Variants in NT5DC3 observed in about 807,000 individuals in gnomAD.
NT5DC3 encodes 5'-nucleotidase domain containing 3, also known as 5'-nucleotidase domain-containing protein 3.
A neutral mutation model predicts 67.8 loss-of-function variants in NT5DC3; 42 were observed. The observed-to-expected ratio is 0.62, with a 90% confidence interval of 0.48 to 0.80. The LOEUF is 0.80. Among genes scored for constraint, NT5DC3 ranks in the 30% least tolerant of loss-of-function variants. The pLI is 0.00. For synonymous variants in NT5DC3, 237 were observed against 255.6 expected, an observed-to-expected ratio of 0.93 and a Z score of 0.69; for missense variants, 570 against 696.4, an observed-to-expected ratio of 0.82 and a Z score of 2.04.
chr12:103,778,252 C>T (rs566231438), intron 13 of NT5DC3, among the ~76,000 whole-genome samples, 171 bp from the exon 14 acceptor site: 14 of 152,158 alleles, frequency 9.2e-5, no homozygotes, highest in African/African-American at 2.7e-4. Context: ...AGCCTAGAGC[C>T]AGGTGTGGTG....
the NT5DC3 span, chr12:103,757,953 G>A: frequency 1.6e-6 from 1 of 615,716 alleles, no homozygotes; most frequent in African/African-American, 1.8e-5. Context: ...GATGGGCTGT[G>A]ACGTGGCTGT....
chr12:103,788,781 G>T, intron 10 of NT5DC3, 57 bp downstream of exon 10: 1 of 1,088,970 alleles, frequency 9.2e-7, no homozygotes, highest in Non-Finnish European at 1.4e-6. Flanking sequence ...TCAGCTATTA[G>T]CATTATTACC....
At chr12:103,821,663 T>C (rs192368812) in intron 1 of NT5DC3, among the ~76,000 whole-genome samples, 22 of 152,226 alleles carry the variant, frequency 1.4e-4, no homozygotes, top group African/African-American at 5.3e-4. Flanking sequence ...CTGGAAAAGA[T>C]GTCAACGGGA....
chr12:103,835,956 G>A lies in NT5DC3; in HGVS notation c.208+4993C>T, dbSNP rs576137439. Among the ~76,000 whole-genome samples the A allele has an allele frequency of 9.6e-4, 146 of 152,224 alleles. 1 individual carries two copies. The highest frequency in any genetic ancestry group is 3.3e-3 in the African/African-American group (137 of 41,528). On this transcript the variant is annotated intron_variant, in intron 1 of 13. Transcript: ENST00000392876. ...AGGTGAAAGACACTTCTCACATGGC[G>A]GCAGCAACAGAAAAATGAAGCAGCA...
chr12:103,749,089 T>G, the NT5DC3 span: 3 of 1,614,060 alleles, frequency 1.9e-6, no homozygotes, highest in Non-Finnish European at 2.5e-6. Context: ...TGCACAGAGA[T>G]AGACCCCTGT....
intron 11 of NT5DC3, among the ~76,000 whole-genome samples, chr12:103,787,146 ATTTC>A (rs1461694415): frequency 6.6e-6 from 1 of 151,880 alleles, no homozygotes; most frequent in Non-Finnish European, 1.5e-5. Context: ...AATGGCATTT[ATTTC>A]TTATTATTTA....
At chr12:103,826,491 T>G (rs916869743) in intron 1 of NT5DC3, among the ~76,000 whole-genome samples, 9 of 152,220 alleles carry the variant, frequency 5.9e-5, no homozygotes, top group African/African-American at 2.2e-4. Context: ...ATTGCTGGCT[T>G]TGAAAATGCA....
rs1469279509 is a variant in NT5DC3, at chr12:103,774,282, A to G, written c.*3547T>C. 1 of 152,200 alleles carries G rather than the reference A, an allele frequency of 6.6e-6. No individual in the cohort carries two copies. Among genetic ancestry groups the G allele is most frequent in the East Asian group, 1.9e-4 (1 of 5,204 alleles). 9.4% of individuals were successfully genotyped at this position (152,200 alleles called of 1,614,324 possible). ...CTATTTTTGTTTGCTTTACAACACA[A>G]TTTTTTAAATGGCTGAAAACAGATT... On this transcript the variant is annotated 3_prime_UTR_variant, in exon 14 of 14. Transcript: ENST00000392876.
At chr12:103,757,996 A>G in the NT5DC3 span, 2 of 901,392 alleles carry the variant, frequency 2.2e-6, no homozygotes, top group Non-Finnish European at 3.3e-6. Context: ...GAGGAAAGGA[A>G]AAGTCCTCAA....
chr12:103,804,279 A>G (rs1472853682), intron 4 of NT5DC3, among the ~76,000 whole-genome samples: 1 of 152,244 alleles, frequency 6.6e-6, no homozygotes, highest in Non-Finnish European at 1.5e-5. Context: ...ACACTGGAAG[A>G]CAAACACTGG....
intron 1 of NT5DC3, among the ~76,000 whole-genome samples, chr12:103,837,674 A>G (rs1368625531): frequency 6.6e-6 from 1 of 152,250 alleles, no homozygotes; most frequent in Non-Finnish European, 1.5e-5. Context: ...ACATAACAAA[A>G]GTTACCTTTG....
the NT5DC3 span, chr12:103,759,214 C>T: frequency 6.2e-7 from 1 of 1,614,190 alleles, no homozygotes; most frequent in Non-Finnish European, 8.5e-7. Context: ...TGGCACCACC[C>T]TGCAAACGAG....
chr12:103,748,531 T>C, the NT5DC3 span, among the ~76,000 whole-genome samples: 1 of 151,446 alleles, frequency 6.6e-6, no homozygotes, highest in African/African-American at 2.4e-5. Context: ...ATCTACAGAA[T>C]GGGGACAACA....
chr12:103,757,867 G>A, the NT5DC3 span: 1 of 388,604 alleles, frequency 2.6e-6, no homozygotes. Context: ...AGTGAAGTGG[G>A]GGGCCACTGC....
the NT5DC3 span, chr12:103,763,514 C>T: frequency 1.2e-6 from 2 of 1,614,084 alleles, no homozygotes; most frequent in Middle Eastern, 1.7e-4. Flanking sequence ...ATTAATGTTG[C>T]AGCTCTTGGC....
At chr12:103,748,743 C>T in the NT5DC3 span, among the ~76,000 whole-genome samples, 4 of 151,926 alleles carry the variant, frequency 2.6e-5, no homozygotes, top group East Asian at 1.9e-4. Context: ...GGGGCAGAAG[C>T]GGACAGATGT....
chr12:103,755,297 T>A, the NT5DC3 span: 4 of 1,613,538 alleles, frequency 2.5e-6, no homozygotes, highest in Admixed American at 3.3e-5. Context: ...TCTGTATCCC[T>A]GCAGGCCAAG....
At chr12:103,838,668 A>G (rs1888250461) in intron 1 of NT5DC3, among the ~76,000 whole-genome samples, 1 of 152,240 alleles carries the variant, frequency 6.6e-6, no homozygotes, top group South Asian at 2.1e-4. Context: ...AAAGACTGGG[A>G]GCAACCCAAA....
intron 2 of NT5DC3, 145 bp downstream of exon 2, chr12:103,814,792 A>G (rs767827015): frequency 1.0e-4 from 59 of 575,610 alleles, no homozygotes; most frequent in Non-Finnish European, 1.6e-4. Flanking sequence ...GATAAGAGTT[A>G]CTTGGAAGGG....
Sources: allele counts gnomAD v4.1 joint callset (sites outside exome capture counted in the v4.1 genomes callset), GRCh38; gene constraint gnomAD v4.1.1; transcripts MANE v1.5; gene names NCBI Gene and HGNC (gene_info 2026-07-23, HGNC 2026-07-21).